PHACTR4: variants seen among roughly 807,000 people sequenced by gnomAD.
PHACTR4 encodes protein phosphatase 1, regulatory subunit 124.
In PHACTR4, 51 loss-of-function variants were observed where a neutral mutation model predicts 72.7. The ratio of observed to expected loss-of-function variants is 0.70; its 90% CI spans 0.56 to 0.89. The LOEUF (loss-of-function observed/expected upper bound fraction) is 0.89, where lower values mean the gene tolerates loss of function less well. Among genes scored for constraint, PHACTR4 ranks in the 40% least tolerant of loss-of-function variants. The pLI, the probability that PHACTR4 is intolerant of heterozygous loss-of-function variation, is 0.00. For missense variants in PHACTR4, 731 were observed against 861.8 expected (o/e 0.85, Z 1.90); for synonymous variants, 255 against 302.5 (o/e 0.84, Z 1.63).
chr1:28,407,519 C>A, intron 2 of PHACTR4, 56 bp downstream of exon 2: 1 of 1,483,970 alleles, frequency 6.7e-7, no homozygotes, highest in Non-Finnish European at 9.3e-7. Flanking sequence ...ATCCTCACCT[C>A]CATTAAAGCT....
At chr1:28,376,435 C>T (rs572763805) in intron 1 of PHACTR4, among the ~76,000 whole-genome samples, 2 of 151,794 alleles carry the variant, frequency 1.3e-5, no homozygotes, top group African/African-American at 4.8e-5. Context: ...CCCACCTCAA[C>T]CCCCTGAGTA....
chr1:28,412,149 A>G (rs959518044), intron 2 of PHACTR4, among the ~76,000 whole-genome samples: 2 of 152,180 alleles, frequency 1.3e-5, no homozygotes, highest in Non-Finnish European at 2.9e-5. Flanking sequence ...TCTGGATGTA[A>G]ATTTTCCAAA....
chr1:28,467,653 T>C (rs141125731), intron 6 of PHACTR4, among the ~76,000 whole-genome samples: 98 of 152,368 alleles, frequency 6.4e-4, no homozygotes, highest in African/African-American at 2.3e-3. Context: ...GTGTCTGGCA[T>C]AGTTATCTTC....
intron 1 of PHACTR4, among the ~76,000 whole-genome samples, chr1:28,378,197 AT>A (rs1651843832): frequency 7.6e-6 from 1 of 132,262 alleles, no homozygotes; most frequent in Non-Finnish European, 1.6e-5. Flanking sequence ...ACTCCATCTC[AT>A]AAAAAAAAAA....
At chr1:28,478,506 A>G (rs1660064475) in intron 8 of PHACTR4, among the ~76,000 whole-genome samples, 1 of 152,108 alleles carries the variant, frequency 6.6e-6, no homozygotes. Flanking sequence ...ATCTCAGCTC[A>G]CTGTAACCTC....
intron 1 of PHACTR4, among the ~76,000 whole-genome samples, chr1:28,392,942 G>A (rs938103757): frequency 6.6e-6 from 1 of 152,176 alleles, no homozygotes; most frequent in Non-Finnish European, 1.5e-5. Context: ...ACAGTGCACA[G>A]TAAGTTCCTA....
chr1:28,489,798 A>C (rs756671166), intron 10 of PHACTR4: 1 of 518,888 alleles, frequency 1.9e-6, no homozygotes, highest in Non-Finnish European at 3.8e-6. Context: ...TTTGGCCTTA[A>C]AAGTCTCCTC....
chr1:28,442,535 C>G (rs1217518541), intron 2 of PHACTR4, among the ~76,000 whole-genome samples: 1 of 151,578 alleles, frequency 6.6e-6, no homozygotes, highest in Non-Finnish European at 1.5e-5. Context: ...GAGATGAAGT[C>G]TCACTCTGTC....
At chr1:28,382,844 A>G (rs965514898) in intron 1 of PHACTR4, among the ~76,000 whole-genome samples, 15 of 152,004 alleles carry the variant, frequency 9.9e-5, no homozygotes, top group African/African-American at 3.4e-4. Context: ...CCCAGGCTGG[A>G]GTACAGTGGC....
chr1:28,490,473 A>G lies in PHACTR4; in HGVS notation c.1817-478A>G, dbSNP rs1660961073. ...CGTGAACCCGGGAAGCGGAGCTTGC[A>G]GTGAGCCGAGATTGCGCCACTGCAC... On this transcript the variant is annotated intron_variant, in intron 10 of 13. Transcript: ENST00000373839. Among the ~76,000 whole-genome samples the G allele has an allele frequency of 2.0e-5, 3 of 151,654 alleles. No homozygotes were observed. The South Asian group carries it at 6.3e-4, about 32-fold the overall frequency.
chr1:28,401,739 C>T (rs1298532523), intron 1 of PHACTR4, among the ~76,000 whole-genome samples: 1 of 152,112 alleles, frequency 6.6e-6, no homozygotes, highest in Non-Finnish European at 1.5e-5. Context: ...GCTAGGACTA[C>T]AGGCACGCAC....
At chr1:28,460,027 C>T (rs1658680261) in intron 3 of PHACTR4, among the ~76,000 whole-genome samples, 185 bp from the exon 4 acceptor site, 1 of 152,156 alleles carries the variant, frequency 6.6e-6, no homozygotes, top group African/African-American at 2.4e-5. Flanking sequence ...TGATGCTTTC[C>T]TGACAGCACA....
rs528243300 is a variant in PHACTR4, at chr1:28,468,758, G to C, written c.823+1990G>C. On this transcript the variant is annotated intron_variant, in intron 6 of 13. Transcript: ENST00000373839. ...AACAGACTGCTGGACACTACCCGTA[G>C]AGTTTCTGATTTTAGTAAGCCTGGG... Among the ~76,000 whole-genome samples, 6 of 152,294 alleles carry C rather than the reference G, an allele frequency of 3.9e-5. No individual in the cohort carries two copies. In the South Asian group the frequency reaches 1.2e-3, roughly 32 times the overall value.
intron 4 of PHACTR4, 72 bp downstream of exon 4, chr1:28,460,364 T>TTCC: frequency 8.9e-7 from 1 of 1,119,450 alleles, no homozygotes; most frequent in Non-Finnish European, 1.3e-6. Flanking sequence ...ACGAGATATT[T>TTCC]GAATTTTCTT....
chr1:28,474,693 C>T (rs1333084814), intron 7 of PHACTR4, among the ~76,000 whole-genome samples: 2 of 151,596 alleles, frequency 1.3e-5, no homozygotes, highest in African/African-American at 4.8e-5. Flanking sequence ...CAGGCATGTG[C>T]CACCACATTC....
intron 1 of PHACTR4, among the ~76,000 whole-genome samples, chr1:28,405,579 G>A (rs369756081): frequency 1.3e-5 from 2 of 151,534 alleles, no homozygotes; most frequent in East Asian, 2.0e-4. Flanking sequence ...CACCCATCTC[G>A]ACCTCCCAAA....
intron 2 of PHACTR4, among the ~76,000 whole-genome samples, chr1:28,417,525 C>T (rs535776514): frequency 1.3e-5 from 2 of 152,098 alleles, no homozygotes; most frequent in African/African-American, 2.4e-5. Context: ...TGAACACATA[C>T]GGTGTGGATA....
At chr1:28,428,831 T>A (rs1656037339) in intron 2 of PHACTR4, among the ~76,000 whole-genome samples, 1 of 152,230 alleles carries the variant, frequency 6.6e-6, no homozygotes, top group Non-Finnish European at 1.5e-5. Flanking sequence ...AAATTTTTCT[T>A]ATTTAATCCT....
At chr1:28,490,531 CA>C (rs768760079) in intron 10 of PHACTR4, among the ~76,000 whole-genome samples, 1,380 of 116,838 alleles carry the variant, frequency 0.012, 16 homozygotes, top group African/African-American at 0.039. Flanking sequence ...GACTCCATCT[CA>C]AAAAAAAAAA....
Sources: allele counts gnomAD v4.1 joint callset (sites outside exome capture counted in the v4.1 genomes callset), GRCh38; gene constraint gnomAD v4.1.1; transcripts MANE v1.5; gene names NCBI Gene and HGNC (gene_info 2026-07-23, HGNC 2026-07-21).